STK32B: variants seen among roughly 807,000 people sequenced by gnomAD.
STK32B encodes serine/threonine kinase 32B.
In STK32B, 43 loss-of-function variants were observed where a neutral mutation model predicts 52.6. That is an observed-to-expected ratio of 0.82 (90% CI 0.64 to 1.05). STK32B has a LOEUF of 1.05. Ranked by LOEUF, STK32B falls within the 50% of genes least tolerant of loss-of-function variation. STK32B has a pLI of 0.00. For missense variants in STK32B, 621 were observed against 534.6 expected, an observed-to-expected ratio of 1.16 and a Z score of -1.59; for synonymous variants, 238 against 204.3, an observed-to-expected ratio of 1.17 and a Z score of -1.41.
chr4:5,238,849 C>G (rs1724810382), intron 3 of STK32B, among the ~76,000 whole-genome samples: 1 of 152,164 alleles, frequency 6.6e-6, no homozygotes, highest in African/African-American at 2.4e-5. Flanking sequence ...TTCCTGCCCT[C>G]AAGGAGTTTA....
At chr4:5,095,586 A>G (rs758034559) in intron 1 of STK32B, among the ~76,000 whole-genome samples, 2 of 152,216 alleles carry the variant, frequency 1.3e-5, no homozygotes, top group Non-Finnish European at 2.9e-5. Context: ...CTGCACTCCA[A>G]CCTGGGTGAC....
At chr4:5,052,317 A>C (rs1741822356) in intron 1 of STK32B, among the ~76,000 whole-genome samples, 1 of 152,054 alleles carries the variant, frequency 6.6e-6, no homozygotes, top group African/African-American at 2.4e-5. Context: ...GGCGGGTTGC[A>C]CCGTGTGTCT....
rs1267981852 is a variant in STK32B, at chr4:5,058,718, C to T, written c.52+6803C>T. 6.6e-6 allele frequency among the ~76,000 whole-genome samples: 1 copy of T among 152,020 alleles called. No homozygotes were observed. The highest frequency in any genetic ancestry group is 6.6e-5 in the Admixed American group (1 of 15,264). ...GACCATAGGAACACACCACCATGCC[C>T]TGCTAGTTTATTTATTTATTTTTTA... is the stretch of plus-strand genomic sequence containing the variant. On this transcript the variant is annotated intron_variant, in intron 1 of 11. Coordinates refer to ENST00000282908, the MANE Select transcript of STK32B (RefSeq NM_018401.3). The surrounding 1 kb of genome is among the most constrained non-coding windows in gnomAD (Gnocchi z 4.8).
At chr4:5,147,828 A>G (rs1717030295) in intron 2 of STK32B, among the ~76,000 whole-genome samples, 1 of 151,998 alleles carries the variant, frequency 6.6e-6, no homozygotes, top group Non-Finnish European at 1.5e-5. Flanking sequence ...ATATCTTATT[A>G]GAGAATTTTA....
At chr4:5,227,426 A>T (rs1331471146) in intron 3 of STK32B, among the ~76,000 whole-genome samples, 1 of 152,230 alleles carries the variant, frequency 6.6e-6, no homozygotes, top group Non-Finnish European at 1.5e-5. Context: ...GATTTTTAAA[A>T]TTTAATTTAT....
intron 3 of STK32B, among the ~76,000 whole-genome samples, chr4:5,224,752 AAAT>A (rs560919098): frequency 2.0e-4 from 31 of 152,318 alleles, no homozygotes; most frequent in Non-Finnish European, 3.4e-4. Context: ...TATTAATGAC[AAAT>A]AATATATGGT....
intron 3 of STK32B, among the ~76,000 whole-genome samples, chr4:5,210,234 TTTC>T (rs977389490): frequency 2.5e-4 from 38 of 151,978 alleles, no homozygotes; most frequent in Middle Eastern, 3.4e-3. Flanking sequence ...CCTCCTCCTC[TTTC>T]TTCTTCTTCT....
intron 3 of STK32B, among the ~76,000 whole-genome samples, chr4:5,172,388 G>A (rs1032836721): frequency 6.6e-6 from 1 of 152,116 alleles, no homozygotes; most frequent in Non-Finnish European, 1.5e-5. Flanking sequence ...TCTTGTGCCA[G>A]TTTTCAAAGG....
At chr4:5,225,407 G>GA (rs1382977537) in intron 3 of STK32B, among the ~76,000 whole-genome samples, 3 of 151,340 alleles carry the variant, frequency 2.0e-5, no homozygotes, top group Non-Finnish European at 2.9e-5. Flanking sequence ...ACTCCGTCTC[G>GA]AAAAAAAATA....
chr4:5,199,689 T>G (rs1464927266), intron 3 of STK32B, among the ~76,000 whole-genome samples: 1 of 152,212 alleles, frequency 6.6e-6, no homozygotes, highest in Non-Finnish European at 1.5e-5. Context: ...TTTTGTAGCC[T>G]CCAACACCAG....
At chr4:5,369,985 C>T (rs988123408) in intron 4 of STK32B, among the ~76,000 whole-genome samples, 1 of 152,004 alleles carries the variant, frequency 6.6e-6, no homozygotes, top group African/African-American at 2.4e-5. Flanking sequence ...ATGCCATTCT[C>T]CTGCCTCAGC....
chr4:5,351,155 C>G (rs1158133765), intron 4 of STK32B, among the ~76,000 whole-genome samples: 1 of 152,044 alleles, frequency 6.6e-6, no homozygotes, highest in African/African-American at 2.4e-5. Flanking sequence ...ACATTTAAGA[C>G]CATTTCATCC....
At chr4:5,140,643 G>A (rs1347951705) in intron 2 of STK32B, among the ~76,000 whole-genome samples, 1 of 152,168 alleles carries the variant, frequency 6.6e-6, no homozygotes, top group Admixed American at 6.5e-5. Context: ...TTGAGCTGAA[G>A]GCTGACCAGG....
In STK32B at chr4:5,280,517, T is replaced by C. The variant is rs138444075; in HGVS notation, c.261-50703T>C. Among the ~76,000 whole-genome samples the C allele has an allele frequency of 1.9e-4, 29 of 152,352 alleles. No individual in the cohort carries two copies. In the East Asian group the frequency reaches 5.6e-3, roughly 29 times the overall value. On this transcript the variant is annotated intron_variant, in intron 3 of 11. Coordinates refer to ENST00000282908, the MANE Select transcript of STK32B (RefSeq NM_018401.3). ...TCCCATTTTGCAGTTCCAAACCTGC[T>C]TGCACATTCTCAGGTATCTTTATAG...
At chr4:5,331,488 G>T in intron 4 of STK32B, 95 bp downstream of exon 4, 3 of 1,381,132 alleles carry the variant, frequency 2.2e-6, no homozygotes, top group Non-Finnish European at 2.9e-6. Flanking sequence ...TTTTGTCCTT[G>T]ACATGGTTTA....
rs201910858 is a variant in STK32B, at chr4:5,181,968, TAC to T, written c.260+13520_260+13521del. Among the ~76,000 whole-genome samples the T allele has an allele frequency of 2.6e-5, 4 of 152,272 alleles. No homozygotes were observed. In the East Asian group the frequency reaches 5.8e-4, roughly 22 times the overall value. ...CCTGTGGTAGAACTTCTTTCAGAAA[TAC>T]AGTCAATCCTTTAAAACTCTGCTGC... On this transcript the variant is annotated intron_variant, in intron 3 of 11. Coordinates refer to ENST00000282908, the MANE Select transcript of STK32B (RefSeq NM_018401.3).
rs1735845943 is a variant in STK32B, at chr4:5,380,127, T to C, written c.435-18080T>C. Among the ~76,000 whole-genome samples, 1 of 152,146 alleles carries C rather than the reference T, an allele frequency of 6.6e-6. No homozygotes were observed. Among genetic ancestry groups the C allele is most frequent in the South Asian group, 2.1e-4 (1 of 4,824 alleles). ...TTGCTTCTCAGGGGCAATTTGAATA[T>C]GTTTATTATTCTGGTGAAGCCGCTC... On this transcript the variant is annotated intron_variant, in intron 4 of 11. Coordinates refer to ENST00000282908, the MANE Select transcript of STK32B (RefSeq NM_018401.3). This position sits in a 1 kb window ranked among gnomAD's most constrained non-coding sequence, Gnocchi z 4.3.
In STK32B at chr4:5,451,229, C is replaced by T. The variant is rs190541795; in HGVS notation, c.666+4453C>T. ...CTCTGCTGACTTAGGTTTAGAGGAG[C>T]AGGGGAGAATTTCAGGGGGAGAAGA... On this transcript the variant is annotated intron_variant, in intron 7 of 11. Transcript: ENST00000282908. Among the ~76,000 whole-genome samples, 279 of 152,232 alleles carry T rather than the reference C, an allele frequency of 1.8e-3. 1 individual carries two copies. The highest frequency in any genetic ancestry group is 2.9e-3 in the Non-Finnish European group (199 of 68,008).
At chr4:5,445,452 A>G (rs533450356) in intron 6 of STK32B, among the ~76,000 whole-genome samples, 1 of 152,286 alleles carries the variant, frequency 6.6e-6, no homozygotes, top group East Asian at 1.9e-4. Flanking sequence ...ACATTTCACA[A>G]AATGTTCCTG....
Sources: allele counts gnomAD v4.1 joint callset (sites outside exome capture counted in the v4.1 genomes callset), GRCh38; gene constraint gnomAD v4.1.1; non-coding constraint Gnocchi (gnomAD v3.1); transcripts MANE v1.5; gene names NCBI Gene and HGNC (gene_info 2026-07-23, HGNC 2026-07-21).